The following CRB1 variants were observed in gnomAD, a reference collection of about 807,000 sequenced individuals.
CRB1 encodes protein crumbs homolog 1.
In CRB1, 83 loss-of-function variants were observed where a neutral mutation model predicts 120.0. That is an observed-to-expected ratio of 0.69 (90% CI 0.58 to 0.83). CRB1 has a LOEUF of 0.83. Ranked by LOEUF, CRB1 falls within the 40% of genes least tolerant of loss-of-function variation. The pLI, the probability that CRB1 is intolerant of heterozygous loss-of-function variation, is 0.00. For synonymous variants in CRB1, 625 were observed against 612.5 expected, an observed-to-expected ratio of 1.02 and a Z score of -0.30; for missense variants, 1,699 against 1,687.6, an observed-to-expected ratio of 1.01 and a Z score of -0.12.
upstream of CRB1, among the ~76,000 whole-genome samples, chr1:197,265,366 C>CTTTTGTCCTCCCTTCCTTCA: frequency 6.8e-6 from 1 of 147,666 alleles, no homozygotes; most frequent in Non-Finnish European, 1.5e-5. Context: ...TTCTTCCTTC[C>CTTTTGTCCTCCCTTCCTTCA]TTTTGTCCTC....
chr1:197,293,632 T>C (rs1342278557), intron 1 of CRB1, among the ~76,000 whole-genome samples: 2 of 152,070 alleles, frequency 1.3e-5, no homozygotes, highest in Admixed American at 6.6e-5. Flanking sequence ...AGAACAAAGC[T>C]GAAGGCATCA....
At chr1:197,337,923 T>C (rs1433045201) in intron 2 of CRB1, among the ~76,000 whole-genome samples, 1 of 152,044 alleles carries the variant, frequency 6.6e-6, no homozygotes, top group Non-Finnish European at 1.5e-5. Flanking sequence ...TTAGGAATAG[T>C]AATTATCCTA....
intron 4 of CRB1, among the ~76,000 whole-genome samples, chr1:197,347,953 T>C (rs1185019936): frequency 7.4e-6 from 1 of 135,718 alleles, no homozygotes. Flanking sequence ...TAGAGGATAA[T>C]TAGACGAGTA....
intron 11 of CRB1, among the ~76,000 whole-genome samples, chr1:197,476,993 T>C (rs1667225171): frequency 1.3e-5 from 2 of 152,176 alleles, no homozygotes; most frequent in Admixed American, 1.3e-4. Flanking sequence ...AAATAACAAC[T>C]TTGAGAGCCC....
At chr1:197,282,223 T>C (rs891274145) in intron 1 of CRB1, among the ~76,000 whole-genome samples, 1 of 151,706 alleles carries the variant, frequency 6.6e-6, no homozygotes, top group Non-Finnish European at 1.5e-5. Flanking sequence ...AATTTCAGAA[T>C]AATAATAAAA....
intron 5 of CRB1, among the ~76,000 whole-genome samples, chr1:197,365,276 G>T (rs1440144087): frequency 6.6e-6 from 1 of 152,126 alleles, no homozygotes; most frequent in Non-Finnish European, 1.5e-5. Context: ...CCTTTAGTGG[G>T]TGTTGTGGTG....
chr1:197,232,645 A>G, the CRB1 span, among the ~76,000 whole-genome samples: 1 of 152,176 alleles, frequency 6.6e-6, no homozygotes, highest in Non-Finnish European at 1.5e-5. Context: ...TTCCTCTTCT[A>G]AATTTTTGGT....
chr1:197,426,189 A>G (rs1664574261), intron 6 of CRB1, among the ~76,000 whole-genome samples: 1 of 151,938 alleles, frequency 6.6e-6, no homozygotes, highest in Non-Finnish European at 1.5e-5. Context: ...ATTCTGTTGT[A>G]TCTACCTTCA....
the CRB1 span, among the ~76,000 whole-genome samples, chr1:197,215,319 C>T: frequency 1.3e-5 from 2 of 150,090 alleles, no homozygotes; most frequent in African/African-American, 4.9e-5. Context: ...CTCTTGTTGC[C>T]CAGGCTGGAG....
chr1:197,429,766 C>A, intron 8 of CRB1, 152 bp downstream of exon 8: 7 of 784,650 alleles, frequency 8.9e-6, no homozygotes, highest in Non-Finnish European at 1.4e-5. Context: ...TACTGACTGG[C>A]CTCTTGCCTC....
chr1:197,280,173 T>C (rs1655441887), intron 1 of CRB1, among the ~76,000 whole-genome samples: 1 of 151,864 alleles, frequency 6.6e-6, no homozygotes, highest in Admixed American at 6.6e-5. Flanking sequence ...TTTAAAACTT[T>C]TGGTCCTTCT....
chr1:197,227,282 A>G, the CRB1 span, among the ~76,000 whole-genome samples: 1 of 152,114 alleles, frequency 6.6e-6, no homozygotes, highest in African/African-American at 2.4e-5. Context: ...GGGTACAGGT[A>G]TTGTGTAAGT....
chr1:197,217,870 T>C, the CRB1 span, among the ~76,000 whole-genome samples: 15 of 152,186 alleles, frequency 9.9e-5, no homozygotes, highest in East Asian at 3.8e-4. Flanking sequence ...AAAATACTTA[T>C]GTAATAATTT....
chr1:197,327,122 A>C (rs1013328931), intron 1 of CRB1, among the ~76,000 whole-genome samples: 40 of 141,110 alleles, frequency 2.8e-4, no homozygotes, highest in South Asian at 4.9e-4. Flanking sequence ...AAAAAAAAAA[A>C]AAAAAAAAAA....
the CRB1 span, among the ~76,000 whole-genome samples, chr1:197,231,975 G>C: frequency 6.6e-6 from 1 of 152,242 alleles, no homozygotes; most frequent in Admixed American, 6.5e-5. Context: ...TTAAATTAAG[G>C]ATTCTGAGAT....
At chr1:197,411,610 A>G (rs1180035913) in intron 5 of CRB1, among the ~76,000 whole-genome samples, 1 of 151,912 alleles carries the variant, frequency 6.6e-6, no homozygotes, top group Non-Finnish European at 1.5e-5. Context: ...AACCAATCCT[A>G]TTCTATAGTT....
chr1:197,270,080 G>GT (rs752775414), intron 1 of CRB1, among the ~76,000 whole-genome samples: 1 of 152,032 alleles, frequency 6.6e-6, no homozygotes, highest in Non-Finnish European at 1.5e-5. Flanking sequence ...TGTTAGCTGA[G>GT]TTTTTTTCCC....
Position 197,434,994 on chromosome 1 carries a change from CACTGTCCCAGACCT to C in CRB1, c.3132_3145del (p.Leu1045GlnfsTer28). On this transcript the variant is annotated frameshift_variant, in exon 9 of 12. Coordinates refer to ENST00000367400, the MANE Select transcript of CRB1 (RefSeq NM_201253.3). LOFTEE classifies it high-confidence loss of function. ...GAAGTGACCCTTTCCATGACAGACC[CACTGTCCCAGACCT>C]CCAGGTGGCAAATGGAAGTGGACAA... 6.2e-7 allele frequency: 1 copy of C among 1,613,982 alleles called. No individual in the cohort carries two copies. Among genetic ancestry groups the C allele is most frequent in the East Asian group, 2.2e-5 (1 of 44,878 alleles).
chr1:197,295,483 G>A (rs1030686602), intron 1 of CRB1, among the ~76,000 whole-genome samples: 81 of 152,082 alleles, frequency 5.3e-4, no homozygotes, highest in Admixed American at 4.1e-3. Flanking sequence ...TATAGATTCC[G>A]CAAGTAAAAA....
Sources: gnomAD v4.1 joint callset for allele counts (sites outside exome capture counted in the v4.1 genomes callset) on GRCh38, gnomAD v4.1.1 for gene constraint, MANE v1.5 for transcripts, NCBI Gene and HGNC (gene_info 2026-07-23, HGNC 2026-07-21) for gene names.